PRKCA: variants seen among roughly 807,000 people sequenced by gnomAD.
PRKCA encodes the protein protein kinase C alpha.
In PRKCA, 27 loss-of-function variants were observed where a neutral mutation model predicts 87.0. The ratio of observed to expected loss-of-function variants is 0.31; its 90% CI spans 0.23 to 0.43. PRKCA has a LOEUF of 0.43. Among genes scored for constraint, PRKCA ranks in the 20% least tolerant of loss-of-function variants. PRKCA has a pLI of 1.00. For missense variants in PRKCA, 518 were observed against 852.3 expected, an observed-to-expected ratio of 0.61 and a Z score of 4.88; for synonymous variants, 329 against 311.1, an observed-to-expected ratio of 1.06 and a Z score of -0.61.
chr17:66,425,432 G>A (rs1912748392), intron 2 of PRKCA, among the ~76,000 whole-genome samples: 1 of 152,116 alleles, frequency 6.6e-6, no homozygotes, highest in Non-Finnish European at 1.5e-5. Context: ...CCACGGTGCT[G>A]TGATAGAGTA....
intron 4 of PRKCA, among the ~76,000 whole-genome samples, chr17:66,643,256 G>A (rs1971357012): frequency 6.6e-6 from 1 of 152,176 alleles, no homozygotes; most frequent in South Asian, 2.1e-4. Context: ...CCTCTTCACT[G>A]AAGAGTCAGC....
intron 13 of PRKCA, among the ~76,000 whole-genome samples, chr17:66,748,962 C>T (rs1974364716): frequency 6.6e-6 from 1 of 151,818 alleles, no homozygotes; most frequent in Non-Finnish European, 1.5e-5. Context: ...GCTGAAACCC[C>T]CTCCCTGGCC....
chr17:66,787,072 A>G, intron 15 of PRKCA, 98 bp downstream of exon 15: 1 of 963,356 alleles, frequency 1.0e-6, no homozygotes, highest in Non-Finnish European at 1.7e-6. Context: ...GAAACACCAC[A>G]AACCCACACC....
At chr17:66,676,164 G>C (rs532391431) in intron 5 of PRKCA, among the ~76,000 whole-genome samples, 53 of 152,274 alleles carry the variant, frequency 3.5e-4, no homozygotes, top group Admixed American at 3.3e-4. Context: ...AGCATCGTCA[G>C]AAGAGGCCCA....
chr17:66,634,144 A>G (rs541139289), intron 3 of PRKCA, among the ~76,000 whole-genome samples: 1 of 152,350 alleles, frequency 6.6e-6, no homozygotes, highest in East Asian at 1.9e-4. Flanking sequence ...TACATTATAA[A>G]ACTAAGAAAT....
intron 3 of PRKCA, among the ~76,000 whole-genome samples, chr17:66,615,038 A>C (rs12451252): frequency 0.15 from 23,005 of 152,058 alleles, 2,108 homozygotes; most frequent in African/African-American, 0.26. Flanking sequence ...GTTGTACCAT[A>C]CAAGCCCAGG....
chr17:66,656,190 C>T (rs1447940407), intron 5 of PRKCA, among the ~76,000 whole-genome samples: 1 of 152,148 alleles, frequency 6.6e-6, no homozygotes, highest in Admixed American at 6.5e-5. Context: ...TTGTAAAGCA[C>T]CCTGGTATCC....
intron 16 of PRKCA, chr17:66,796,347 GTTTATAGCATTCTTTGCGTGTCCA>G: frequency 2.5e-6 from 2 of 798,454 alleles, no homozygotes; most frequent in Non-Finnish European, 3.0e-6. Context: ...GCTCACGTGG[GTTTATAGCATTCTTTGCGTGTCCA>G]TTCCCGATTC....
intron 2 of PRKCA, among the ~76,000 whole-genome samples, chr17:66,344,506 A>AAAC (rs200739056): frequency 1.1e-4 from 16 of 152,042 alleles, no homozygotes; most frequent in Admixed American, 4.6e-4. Context: ...AACAAAAAAC[A>AAAC]AACAACAACA....
chr17:66,783,652 G>T (rs1312398930), intron 14 of PRKCA, among the ~76,000 whole-genome samples: 1 of 152,228 alleles, frequency 6.6e-6, no homozygotes, highest in African/African-American at 2.4e-5. Flanking sequence ...ACATTTGAAG[G>T]TGGGGTGGCT....
intron 2 of PRKCA, among the ~76,000 whole-genome samples, chr17:66,323,335 T>C (rs1369408426): frequency 6.6e-6 from 1 of 152,252 alleles, no homozygotes; most frequent in African/African-American, 2.4e-5. Flanking sequence ...GTTTTTAAGA[T>C]GCCTTTATAA....
chr17:66,425,853 G>A (rs935188608), intron 2 of PRKCA, among the ~76,000 whole-genome samples: 7 of 152,092 alleles, frequency 4.6e-5, no homozygotes, highest in Non-Finnish European at 1.0e-4. Context: ...TCTTAGAGGT[G>A]GTGCCGGTTA....
chr17:66,452,848 A>G (rs373894372), intron 2 of PRKCA, among the ~76,000 whole-genome samples: 1 of 152,250 alleles, frequency 6.6e-6, no homozygotes, highest in Non-Finnish European at 1.5e-5. Flanking sequence ...TGGATGACAG[A>G]GCGAGACTCC....
At chr17:66,694,767 TAAAAAAAAAAA>T (rs746908582) in intron 8 of PRKCA, among the ~76,000 whole-genome samples, 1 of 117,520 alleles carries the variant, frequency 8.5e-6, no homozygotes, top group Non-Finnish European at 1.7e-5. Context: ...TTCCAATGGT[TAAAAAAAAAAA>T]AAAAAAAAAA....
chr17:66,502,777 C>T (rs1234332583), intron 3 of PRKCA, among the ~76,000 whole-genome samples: 1 of 152,138 alleles, frequency 6.6e-6, no homozygotes, highest in Non-Finnish European at 1.5e-5. Flanking sequence ...GCCTTAGCCT[C>T]CCAAGTAGCT....
intron 3 of PRKCA, among the ~76,000 whole-genome samples, chr17:66,500,952 A>G (rs949762433): frequency 6.0e-5 from 9 of 150,610 alleles, no homozygotes; most frequent in African/African-American, 2.0e-4. Context: ...TAAAAATTTT[A>G]AATTAGGATT....
intron 2 of PRKCA, among the ~76,000 whole-genome samples, chr17:66,454,868 T>G (rs1467905745): frequency 1.3e-5 from 2 of 152,226 alleles, no homozygotes; most frequent in Non-Finnish European, 1.5e-5. Context: ...GCAGAGAAGC[T>G]TCTACTGGAG....
intron 3 of PRKCA, among the ~76,000 whole-genome samples, chr17:66,588,635 C>CTTTTTTTTTTTTTTTTT (rs397856363): frequency 2.6e-5 from 1 of 39,110 alleles, no homozygotes; most frequent in African/African-American, 1.2e-4. Flanking sequence ...TTTTGCTTTG[C>CTTTTTTTTTTTTTTTTT]TTTTTTTTTT....
At chr17:66,663,538 A>C (rs1971962455) in intron 5 of PRKCA, among the ~76,000 whole-genome samples, 1 of 152,188 alleles carries the variant, frequency 6.6e-6, no homozygotes. Context: ...CCTCAGGCTT[A>C]ACTTGTCTTG....
Sources: allele counts gnomAD v4.1 joint callset (sites outside exome capture counted in the v4.1 genomes callset), GRCh38; gene constraint gnomAD v4.1.1; transcripts MANE v1.5; gene names NCBI Gene and HGNC (gene_info 2026-07-23, HGNC 2026-07-21).